The following SLC22A4 variants were observed in gnomAD, a reference collection of about 807,000 sequenced individuals.
The protein encoded by SLC22A4 is solute carrier family 22 member 4, also known as ET transporter.
In SLC22A4, 39 loss-of-function variants were observed where a neutral mutation model predicts 56.6. The ratio of observed to expected loss-of-function variants is 0.69; its 90% confidence interval spans 0.53 to 0.90. The LOEUF is 0.90. SLC22A4 is among the 40% of genes least tolerant of loss of function. SLC22A4 has a pLI of 0.00. For synonymous variants in SLC22A4, 241 were observed against 281.4 expected, an observed-to-expected ratio of 0.86 and a Z score of 1.44; for missense variants, 594 against 696.5, an observed-to-expected ratio of 0.85 and a Z score of 1.66.
chr5:132,306,921 A>C (rs1006243951), intron 1 of SLC22A4, among the ~76,000 whole-genome samples: 1 of 152,192 alleles, frequency 6.6e-6, no homozygotes, highest in African/African-American at 2.4e-5. Context: ...AGAGACAGAA[A>C]GTAGATTAGT....
chr5:132,302,223 T>C (rs1449457984), intron 1 of SLC22A4, among the ~76,000 whole-genome samples: 1 of 151,948 alleles, frequency 6.6e-6, no homozygotes, highest in Non-Finnish European at 1.5e-5. Context: ...TCCTGCCAAG[T>C]TTCTGGATAA....
chr5:132,317,463 C>T (rs1323510521), intron 3 of SLC22A4, among the ~76,000 whole-genome samples: 2 of 152,192 alleles, frequency 1.3e-5, no homozygotes, highest in Non-Finnish European at 2.9e-5. Context: ...GTGACTGACT[C>T]CACTTGTTTT....
intron 7 of SLC22A4, among the ~76,000 whole-genome samples, chr5:132,335,562 G>A (rs1750996425): frequency 6.6e-6 from 1 of 152,128 alleles, no homozygotes; most frequent in African/African-American, 2.4e-5. Context: ...ACAAACAAAA[G>A]ACAAGTGGAC....
chr5:132,297,689 C>G (rs1749811463), intron 1 of SLC22A4, among the ~76,000 whole-genome samples: 1 of 151,772 alleles, frequency 6.6e-6, no homozygotes, highest in Non-Finnish European at 1.5e-5. Flanking sequence ...AAAAAACACC[C>G]AGAAATCCAC....
chr5:132,330,227 C>A (rs1750816509), intron 5 of SLC22A4, among the ~76,000 whole-genome samples: 1 of 152,154 alleles, frequency 6.6e-6, no homozygotes, highest in South Asian at 2.1e-4. Flanking sequence ...GCAGGCCTGG[C>A]ACTCCCACTT....
chr5:132,325,472 T>G (rs1463698690), intron 4 of SLC22A4, among the ~76,000 whole-genome samples: 7 of 152,158 alleles, frequency 4.6e-5, no homozygotes, highest in African/African-American at 1.4e-4. Flanking sequence ...TTGTAGTTCC[T>G]ATAGGGACCC....
intron 9 of SLC22A4, among the ~76,000 whole-genome samples, chr5:132,341,381 G>A (rs1483300902): frequency 2.0e-5 from 3 of 151,984 alleles, no homozygotes; most frequent in Non-Finnish European, 2.9e-5. Context: ...TCATGCCACC[G>A]CACTCCAGAC....
intron 1 of SLC22A4, among the ~76,000 whole-genome samples, chr5:132,299,643 AG>A (rs932310892): frequency 6.6e-6 from 1 of 151,956 alleles, no homozygotes; most frequent in African/African-American, 2.4e-5. Flanking sequence ...TAGTAGAGAC[AG>A]GGTTTCACCA....
chr5:132,323,546 T>C (rs1750601907), intron 4 of SLC22A4, among the ~76,000 whole-genome samples: 2 of 152,192 alleles, frequency 1.3e-5, no homozygotes, highest in Non-Finnish European at 2.9e-5. Context: ...TTATTCTGAT[T>C]TGCAACATTC....
intron 3 of SLC22A4, among the ~76,000 whole-genome samples, chr5:132,318,916 T>A (rs778883103): frequency 6.6e-6 from 1 of 152,118 alleles, no homozygotes; most frequent in African/African-American, 2.4e-5. Flanking sequence ...GTGTCATCTG[T>A]TTCACTGCCA....
chr5:132,305,150 C>T (rs370803234), intron 1 of SLC22A4, among the ~76,000 whole-genome samples: 5 of 152,054 alleles, frequency 3.3e-5, no homozygotes, highest in Non-Finnish European at 7.4e-5. Context: ...AAAAGTAACT[C>T]AAGGGCCTTA....
intron 1 of SLC22A4, among the ~76,000 whole-genome samples, chr5:132,308,220 G>A (rs757051236): frequency 2.5e-4 from 38 of 152,058 alleles, no homozygotes; most frequent in Admixed American, 5.9e-4. Context: ...CAGGGCTGCT[G>A]GCCTCATGCA....
chr5:132,322,398 A>G, intron 4 of SLC22A4, 43 bp downstream of exon 4: 1 of 1,591,506 alleles, frequency 6.3e-7, no homozygotes, highest in Non-Finnish European at 8.6e-7. Context: ...GCTGCGGGTC[A>G]GCACACCTGG....
intron 3 of SLC22A4, among the ~76,000 whole-genome samples, chr5:132,316,831 T>C (rs1750373046): frequency 6.6e-6 from 1 of 152,244 alleles, no homozygotes; most frequent in Non-Finnish European, 1.5e-5. Flanking sequence ...GTTTTTAAAT[T>C]GAACAGTTGA....
chr5:132,295,382 AG>A (rs1396377944), intron 1 of SLC22A4: 9 of 475,662 alleles, frequency 1.9e-5, no homozygotes, highest in Non-Finnish European at 3.4e-5. Context: ...GAGGGGTGTG[AG>A]GGACCTTGTT....
intron 1 of SLC22A4, among the ~76,000 whole-genome samples, chr5:132,305,318 T>C (rs1166810021): frequency 6.6e-6 from 1 of 152,074 alleles, no homozygotes. Context: ...AATATATGCA[T>C]AATAGAATTA....
chr5:132,317,263 A>G (rs558769519), intron 3 of SLC22A4, among the ~76,000 whole-genome samples: 3 of 152,340 alleles, frequency 2.0e-5, no homozygotes, highest in African/African-American at 7.2e-5. Flanking sequence ...GGTGTTTAGC[A>G]TATTCACAAA....
chr5:132,334,347 A>C (rs2126736904), intron 6 of SLC22A4, among the ~76,000 whole-genome samples: 1 of 152,336 alleles, frequency 6.6e-6, no homozygotes, highest in East Asian at 1.9e-4. Flanking sequence ...TAAGAGATTG[A>C]GGAGGTACAA....
chr5:132,322,371 C>T lies in SLC22A4; in HGVS notation c.824+16C>T, dbSNP rs779846856. On this transcript the variant is annotated intron_variant, in intron 4 of 9. Coordinates refer to ENST00000200652, the MANE Select transcript of SLC22A4 (RefSeq NM_003059.3). ...CGCTGTGGTGGTGAGTGTGACTCGT[C>T]CCCAGACAGGCCCTCTGCTGCGGGT... The T allele has an allele frequency of 5.0e-6, 8 of 1,611,924 alleles. No homozygotes were observed. Among genetic ancestry groups the T allele is most frequent in the Non-Finnish European group, 6.8e-6 (8 of 1,179,022 alleles).
Sources: gnomAD v4.1 joint callset for allele counts (sites outside exome capture counted in the v4.1 genomes callset) on GRCh38, gnomAD v4.1.1 for gene constraint, MANE v1.5 for transcripts, NCBI Gene and HGNC (gene_info 2026-07-23, HGNC 2026-07-21) for gene names.